The following CEP78 variants were observed in gnomAD, a reference collection of about 807,000 sequenced individuals.
The protein encoded by CEP78 is centrosomal protein of 78 kDa.
In CEP78, 76 loss-of-function variants were observed where a neutral mutation model predicts 81.2. The observed-to-expected ratio is 0.94, with a 90% CI of 0.78 to 1.13. The LOEUF is 1.13. CEP78 is among the 50% of genes most tolerant of loss of function. CEP78 has a pLI of 0.00. For missense variants in CEP78, 918 were observed against 846.8 expected, an observed-to-expected ratio of 1.08 and a Z score of -1.04; for synonymous variants, 293 against 301.4, an observed-to-expected ratio of 0.97 and a Z score of 0.29.
intron 8 of CEP78, 43 bp downstream of exon 8, chr9:78,248,916 A>G: frequency 2.1e-6 from 2 of 949,428 alleles, no homozygotes; most frequent in Non-Finnish European, 1.6e-6. Context: ...CTAGTGTTCT[A>G]GTGTGTTAAA....
intron 16 of CEP78, among the ~76,000 whole-genome samples, chr9:78,269,593 T>C (rs945300474): frequency 6.6e-6 from 1 of 152,198 alleles, no homozygotes; most frequent in Non-Finnish European, 1.5e-5. Flanking sequence ...TAGAATACAG[T>C]GTCACATGGC....
chr9:78,261,709 T>G (rs1200936248), intron 11 of CEP78, among the ~76,000 whole-genome samples: 2 of 152,190 alleles, frequency 1.3e-5, no homozygotes, highest in South Asian at 2.1e-4. Context: ...TTGTGATAAG[T>G]TTTTTGCTTA....
At position 78,236,329 on chromosome 9, in the gene CEP78, C is replaced by T. The variant is rs759316369; in HGVS notation, c.-22C>T. 3.2e-6 allele frequency: 5 copies of T among 1,545,740 alleles called. No individual in the cohort carries two copies. Among genetic ancestry groups the T allele is most frequent in the African/African-American group, 1.4e-5 (1 of 72,710 alleles). The stretch of plus-strand genomic sequence containing the variant: ...CGGGCGGCGTCTCCGCGGCGGGCAT[C>T]CCCCGAGGCCGCCCTCGGGCCATGA... On this transcript the variant is annotated 5_prime_UTR_variant, in exon 1 of 17. Coordinates refer to ENST00000643273, the MANE Select transcript of CEP78 (RefSeq NM_001330691.3).
intron 9 of CEP78, among the ~76,000 whole-genome samples, chr9:78,252,847 GC>G (rs1826830959): frequency 6.6e-6 from 1 of 152,106 alleles, no homozygotes; most frequent in South Asian, 2.1e-4. Flanking sequence ...TAGTGCTGAG[GC>G]CCCAGTCTTT....
intron 5 of CEP78, 112 bp downstream of exon 5, chr9:78,243,748 C>T: frequency 1.4e-6 from 1 of 708,736 alleles, no homozygotes; most frequent in South Asian, 3.2e-5. Flanking sequence ...CCTCTTTTTT[C>T]TAATAGGTTT....
In CEP78 at chr9:78,251,971, C is replaced by T. The variant is rs747914305; in HGVS notation, c.1133C>T (p.Ala378Val). The part of the protein sequence containing the change: ...RKHSLGKEYY[A>V]PAPLPPGVSG... ...CACTCCCTTGGTAAAGAATATTATGCGCCCGCACCTCTTCCACCTGGTGTG... is the reference window on the plus strand; with the variant it reads ...CACTCCCTTGGTAAAGAATATTATGTGCCCGCACCTCTTCCACCTGGTGTG... Residue 378 changes from alanine (A) to valine (V), a missense_variant, in exon 9 of 17, where the codon GCG (alanine) becomes GTG (valine). Coordinates refer to ENST00000643273, the MANE Select transcript of CEP78 (RefSeq NM_001330691.3). 23 of 1,607,836 alleles carry T rather than the reference C, an allele frequency of 1.4e-5. No individual in the cohort carries two copies. Among genetic ancestry groups the T allele is most frequent in the Admixed American group, 3.4e-5 (2 of 59,644 alleles).
Position 78,248,428 on chromosome 9 carries a change from C to T in CEP78, c.957+73C>T, listed in dbSNP as rs1397350322. The T allele has an allele frequency of 9.3e-6, 9 of 969,732 alleles. No individual in the cohort carries two copies. The Admixed American group carries it at 1.0e-4, about 11-fold the overall frequency. The allele number at this position is 969,732 out of a possible 1,614,324, so 60.1% of individuals were successfully genotyped here. A position where few individuals can be genotyped will look rare whatever the true frequency, so the allele number is the denominator to read the frequency against. On this transcript the variant is annotated intron_variant, in intron 7 of 16. Transcript: ENST00000643273. ...TTCTTCTGGGATCTCACTGTACTGC[C>T]CAGCCTGGCCTCAAACTTCTGAGCT...
chr9:78,254,857 G>C lies in CEP78; in HGVS notation c.1273G>C (p.Val425Leu), dbSNP rs375721961. Residue 425 changes from valine to leucine, a missense_variant, in exon 11 of 17, where the codon GTG becomes CTG. Val to Leu is a conservative substitution (Grantham distance 32). Transcript: ENST00000643273. ...TAAGCAACCAGGTTTTCCTGTGACT[G>C]TGACAGTAGAGAGTCCTTCATCCTC... Reference protein sequence around the residue: ...QLQQPGFPVTVTVESPSSSEV... With the variant: ...QLQQPGFPVTLTVESPSSSEV... 234 of 1,610,564 alleles carry C rather than the reference G, an allele frequency of 1.5e-4. No homozygotes were observed. The Middle Eastern group carries it at 1.6e-3, about 11-fold the overall frequency.
intron 16 of CEP78, among the ~76,000 whole-genome samples, chr9:78,268,680 CTTTTTTTT>C (rs1221969870): frequency 7.7e-6 from 1 of 130,700 alleles, no homozygotes; most frequent in Non-Finnish European, 1.6e-5. Context: ...GGTTTCTTTT[CTTTTTTTT>C]TTTTTTTTTT....
intron 6 of CEP78, among the ~76,000 whole-genome samples, chr9:78,247,975 A>G (rs765550454): frequency 8.5e-5 from 13 of 152,204 alleles, no homozygotes; most frequent in Non-Finnish European, 1.3e-4. Context: ...TTAAGCATCT[A>G]AGTATCTGGA....
chr9:78,240,818 C>A (rs746213892), intron 3 of CEP78, among the ~76,000 whole-genome samples: 1 of 151,970 alleles, frequency 6.6e-6, no homozygotes, highest in Non-Finnish European at 1.5e-5. Flanking sequence ...AAAAAACTCA[C>A]CAGGCATGGT....
intron 11 of CEP78, among the ~76,000 whole-genome samples, chr9:78,261,022 C>T (rs1273971829): frequency 1.3e-5 from 2 of 152,090 alleles, no homozygotes; most frequent in African/African-American, 2.4e-5. Flanking sequence ...GCAATCTCAG[C>T]TCACTGCAAC....
Position 78,270,941 on chromosome 9 carries a change from A to G in CEP78, c.*90A>G, listed in dbSNP as rs965336325. On this transcript the variant is annotated 3_prime_UTR_variant, in exon 17 of 17. Transcript: ENST00000643273. ...GAAATTTCTGGAAGATAAGAAGCAG[A>G]TGATTTAAGTACCAGTTAATTAAAG... The G allele has an allele frequency of 4.8e-6, 3 of 626,322 alleles. No homozygotes were observed. Among genetic ancestry groups the G allele is most frequent in the Non-Finnish European group, 8.4e-6 (3 of 355,828 alleles). 38.8% of individuals were successfully genotyped at this position (626,322 alleles called of 1,614,324 possible). A position where few individuals can be genotyped will look rare whatever the true frequency, so the allele number is the denominator to read the frequency against.
At chr9:78,253,641 T>C (rs1240136246) in intron 10 of CEP78, 1 of 170,106 alleles carries the variant, frequency 5.9e-6, no homozygotes, top group East Asian at 1.6e-4. Flanking sequence ...TTTATATGTA[T>C]ATATATATTT....
chr9:78,257,389 C>T (rs1381506054), intron 11 of CEP78, among the ~76,000 whole-genome samples: 3 of 152,156 alleles, frequency 2.0e-5, no homozygotes, highest in African/African-American at 7.2e-5. Context: ...TTTGGACCTC[C>T]TGCGCTATAC....
chr9:78,237,046 T>G (rs2118059763), intron 1 of CEP78, among the ~76,000 whole-genome samples: 1 of 127,732 alleles, frequency 7.8e-6, no homozygotes. Flanking sequence ...AGTGGCAAGA[T>G]CTCGGCTCAC....
chr9:78,269,314 A>T (rs1827640882), intron 16 of CEP78, among the ~76,000 whole-genome samples: 1 of 152,152 alleles, frequency 6.6e-6, no homozygotes, highest in Non-Finnish European at 1.5e-5. Flanking sequence ...AGAATATGGG[A>T]TAAAGAACTG....
At chr9:78,260,149 T>C (rs1007596461) in intron 11 of CEP78, among the ~76,000 whole-genome samples, 1 of 152,254 alleles carries the variant, frequency 6.6e-6, no homozygotes, top group African/African-American at 2.4e-5. Context: ...CCAGTAGCAG[T>C]ATAAAATCTT....
intron 11 of CEP78, among the ~76,000 whole-genome samples, chr9:78,256,339 C>T (rs1827024086): frequency 6.6e-6 from 1 of 152,148 alleles, no homozygotes; most frequent in Non-Finnish European, 1.5e-5. Flanking sequence ...GCCTTACCTT[C>T]ACTCTCCTGA....
Sources: allele counts gnomAD v4.1 joint callset (sites outside exome capture counted in the v4.1 genomes callset), GRCh38; gene constraint gnomAD v4.1.1; transcripts MANE v1.5; gene names NCBI Gene and HGNC (gene_info 2026-07-23, HGNC 2026-07-21).